Variants in IQSEC1 observed in about 807,000 individuals in gnomAD.
IQSEC1 encodes the protein IQ motif and Sec7 domain ArfGEF 1, also known as IQ motif and SEC7 domain-containing protein 1.
A neutral mutation model predicts 91.0 loss-of-function variants in IQSEC1; 31 were observed. The observed-to-expected ratio is 0.34, with a 90% CI of 0.26 to 0.46. The LOEUF is 0.46. Among genes scored for constraint, IQSEC1 ranks in the 20% least tolerant of loss-of-function variants. The pLI is 1.00. For missense variants in IQSEC1, 1,388 were observed against 1,575.6 expected, an observed-to-expected ratio of 0.88 and a Z score of 2.02; for synonymous variants, 699 against 662.6, an observed-to-expected ratio of 1.05 and a Z score of -0.84.
chr3:12,910,626 C>T (rs1375143777), intron 10 of IQSEC1, among the ~76,000 whole-genome samples: 2 of 152,206 alleles, frequency 1.3e-5, no homozygotes, highest in East Asian at 3.9e-4. Context: ...CCTTGTTGGG[C>T]ACGTGGGGAG....
intron 2 of IQSEC1, among the ~76,000 whole-genome samples, chr3:13,134,782 A>C (rs922296594): frequency 3.9e-5 from 6 of 152,090 alleles, no homozygotes; most frequent in Non-Finnish European, 8.8e-5. Context: ...CAAGAGAGAA[A>C]ATTCTTTAAC....
At chr3:13,039,612 C>T (rs529541896) in intron 1 of IQSEC1, among the ~76,000 whole-genome samples, 1 of 152,312 alleles carries the variant, frequency 6.6e-6, no homozygotes, top group East Asian at 1.9e-4. Flanking sequence ...AGCATTTACC[C>T]TTGAAATCCC....
At position 13,126,310 on chromosome 3, in the gene IQSEC1, T is replaced by A. The variant is rs527489571; in HGVS notation, c.302+37794A>T. ...TGTAATCTGGCTTCTTTCACTTGGTTATGATTACTTTTGATCCATCAAAGT... is the reference window on the plus strand; with the variant it reads ...TGTAATCTGGCTTCTTTCACTTGGTAATGATTACTTTTGATCCATCAAAGT... On this transcript the variant is annotated intron_variant, in intron 2 of 15. Coordinates refer to the IQSEC1 transcript ENST00000648114. Among the ~76,000 whole-genome samples the A allele has an allele frequency of 2.0e-5, 3 of 152,374 alleles. No homozygotes were observed. The South Asian group carries it at 6.2e-4, about 32-fold the overall frequency.
rs1705493773 is a variant in IQSEC1, at chr3:13,073,182, G to A, written c.-168C>T. On this transcript the variant is annotated 5_prime_UTR_variant, in exon 1 of 14. Coordinates refer to ENST00000613206, the MANE Select transcript of IQSEC1 (RefSeq NM_001134382.3). ...CGGGCTCCTCCAGGGAGGCTGGGGC[G>A]GGAGCGGGGGGCGGCGCCAGCAGCG... is the stretch of plus-strand genomic sequence containing the variant. 7.0e-6 allele frequency: 5 copies of A among 715,762 alleles called. No homozygotes were observed. The highest frequency in any genetic ancestry group is 3.0e-4 in the Middle Eastern group (1 of 3,348). 44.3% of individuals were successfully genotyped at this position (715,762 alleles called of 1,614,324 possible).
chr3:13,229,330 T>C (rs1420455156), intron 1 of IQSEC1, among the ~76,000 whole-genome samples: 2 of 152,250 alleles, frequency 1.3e-5, no homozygotes, highest in African/African-American at 4.8e-5. Flanking sequence ...CTATAACAGC[T>C]ACTGCATAAA....
chr3:13,208,317 C>T (rs1440803233), intron 1 of IQSEC1, among the ~76,000 whole-genome samples: 1 of 151,948 alleles, frequency 6.6e-6, no homozygotes, highest in African/African-American at 2.4e-5. Context: ...CTCCAAAGGG[C>T]ACACAGGGCC....
intron 1 of IQSEC1, among the ~76,000 whole-genome samples, chr3:13,201,206 C>T (rs1694239082): frequency 6.6e-6 from 1 of 152,242 alleles, no homozygotes; most frequent in Non-Finnish European, 1.5e-5. Context: ...AGGACGGTGA[C>T]CGGAGCTCAG....
intron 9 of IQSEC1, among the ~76,000 whole-genome samples, chr3:12,913,142 C>T (rs751162602): frequency 2.1e-4 from 32 of 152,198 alleles, no homozygotes; most frequent in Admixed American, 3.3e-4. Flanking sequence ...GGGGCCTGCC[C>T]GAGGAAGCGT....
At chr3:13,001,696 A>G (rs1195160697) in intron 1 of IQSEC1, among the ~76,000 whole-genome samples, 2 of 152,264 alleles carry the variant, frequency 1.3e-5, no homozygotes, top group African/African-American at 4.8e-5. Context: ...GTCAAAAATA[A>G]TAATAAATAT....
chr3:13,108,704 C>T (rs1214134936), intron 2 of IQSEC1, among the ~76,000 whole-genome samples: 1 of 152,182 alleles, frequency 6.6e-6, no homozygotes, highest in Non-Finnish European at 1.5e-5. Context: ...AACCTCATTG[C>T]TCCTGTGTGT....
At chr3:13,247,476 T>C (rs959463155) in intron 1 of IQSEC1, among the ~76,000 whole-genome samples, 1 of 152,240 alleles carries the variant, frequency 6.6e-6, no homozygotes, top group Non-Finnish European at 1.5e-5. Context: ...GGACAAGGAC[T>C]GACCCTGCCT....
chr3:13,149,598 T>A (rs1706957114), intron 2 of IQSEC1, among the ~76,000 whole-genome samples: 2 of 152,108 alleles, frequency 1.3e-5, no homozygotes, highest in African/African-American at 4.8e-5. Flanking sequence ...ATCCGGCTCC[T>A]CTATTGAGGC....
At chr3:13,123,913 A>T (rs902968483) in intron 2 of IQSEC1, among the ~76,000 whole-genome samples, 36 of 152,246 alleles carry the variant, frequency 2.4e-4, no homozygotes, top group Non-Finnish European at 8.8e-5. Flanking sequence ...TCTCGAGCCA[A>T]ATCTAGCCTG....
At chr3:13,131,037 A>AAGG (rs144089637) in intron 2 of IQSEC1, among the ~76,000 whole-genome samples, 1 of 143,792 alleles carries the variant, frequency 7.0e-6, no homozygotes, top group Admixed American at 6.9e-5. Flanking sequence ...GGAAGGAAGG[A>AAGG]AAGGAAGGAA....
At chr3:12,955,943 A>C (rs1699877924) in intron 1 of IQSEC1, among the ~76,000 whole-genome samples, 1 of 152,218 alleles carries the variant, frequency 6.6e-6, no homozygotes, top group South Asian at 2.1e-4. Context: ...TTGGTCCACA[A>C]AACATGCTCT....
At chr3:13,264,869 T>C (rs13324174) in intron 1 of IQSEC1, among the ~76,000 whole-genome samples, 4,922 of 151,664 alleles carry the variant, frequency 0.032, 227 homozygotes, top group African/African-American at 0.1. Flanking sequence ...TCCCTATCTC[T>C]GTCCCTCTCT....
At chr3:13,129,350 T>C (rs1200330079) in intron 2 of IQSEC1, among the ~76,000 whole-genome samples, 2 of 152,194 alleles carry the variant, frequency 1.3e-5, no homozygotes, top group Non-Finnish European at 2.9e-5. Flanking sequence ...CTGGTATTGG[T>C]AATTTGTGTC....
chr3:13,103,772 G>A lies in IQSEC1; in HGVS notation c.303-56250C>T, dbSNP rs939248948. On this transcript the variant is annotated intron_variant, in intron 2 of 15. Coordinates refer to the IQSEC1 transcript ENST00000648114. The surrounding 1 kb of genome is among the most constrained non-coding windows in gnomAD (Gnocchi z 4.1). The stretch of plus-strand genomic sequence containing the variant: ...TGGGAGCTCCCCGGTATTCCATGTT[G>A]CCTACCACCCTACGAGGGCAGGGGC... 1.3e-5 allele frequency among the ~76,000 whole-genome samples: 2 copies of A among 152,126 alleles called. No homozygotes were observed. Among genetic ancestry groups the A allele is most frequent in the African/African-American group, 4.8e-5 (2 of 41,414 alleles).
At chr3:13,036,631 G>C (rs143310139) in intron 1 of IQSEC1, among the ~76,000 whole-genome samples, 73 of 152,222 alleles carry the variant, frequency 4.8e-4, no homozygotes, top group African/African-American at 1.7e-3. Flanking sequence ...GGGCATCAGC[G>C]GTGTGGGGGG....
Sources: allele counts gnomAD v4.1 joint callset (sites outside exome capture counted in the v4.1 genomes callset), GRCh38; gene constraint gnomAD v4.1.1; non-coding constraint Gnocchi (gnomAD v3.1); transcripts MANE v1.5; gene names NCBI Gene and HGNC (gene_info 2026-07-23, HGNC 2026-07-21).